The following SYNJ1 variants were observed in gnomAD, a reference collection of about 807,000 sequenced individuals.
The protein encoded by SYNJ1 is synaptojanin 1.
In SYNJ1, 78 loss-of-function variants were observed where a neutral mutation model predicts 168.2. The ratio of observed to expected loss-of-function variants is 0.46; its 90% CI spans 0.39 to 0.56. The LOEUF is 0.56. Ranked by LOEUF, SYNJ1 falls within the 20% of genes least tolerant of loss-of-function variation. SYNJ1 has a pLI of 0.00. For missense variants in SYNJ1, 1,303 were observed against 1,597.6 expected (o/e 0.82, Z 3.14); for synonymous variants, 539 against 548.6 (o/e 0.98, Z 0.24).
At chr21:32,703,520 G>A (rs1016799907) in intron 2 of SYNJ1, among the ~76,000 whole-genome samples, 1 of 152,118 alleles carries the variant, frequency 6.6e-6, no homozygotes, top group Non-Finnish European at 1.5e-5. Flanking sequence ...ACATTAGAGA[G>A]ACTTGTTATA....
At chr21:32,633,597 G>A (rs975081118) in intron 32 of SYNJ1, among the ~76,000 whole-genome samples, 1 of 152,066 alleles carries the variant, frequency 6.6e-6, no homozygotes, top group African/African-American at 2.4e-5. Context: ...AAAGGAATTT[G>A]GATAGTTGTT....
At position 32,657,723 on chromosome 21, in the gene SYNJ1, A is replaced by G. The variant is rs956806458; in HGVS notation, c.2454T>C (p.Asp818=). ...AGAAGCCCATTTCCCAACCTGATCT[A>G]TCAAAAGGCCATTTCCTCCTTCTCC... ...VLWRRRKWPF[D]RSAEDLDLLN... is the part of the protein sequence containing the mutation. Residue 818 remains aspartate, a synonymous_variant, in exon 19 of 33, where the codon GAT becomes GAC. Transcript: ENST00000674351. 1 of 1,600,666 alleles carries G rather than the reference A, an allele frequency of 6.2e-7. No homozygotes were observed. The highest frequency in any genetic ancestry group is 2.2e-5 in the East Asian group (1 of 44,590).
intron 2 of SYNJ1, among the ~76,000 whole-genome samples, chr21:32,725,534 T>C (rs1569143092): frequency 6.6e-6 from 1 of 152,226 alleles, no homozygotes; most frequent in Non-Finnish European, 1.5e-5. Context: ...TTATATACTG[T>C]TCTTTGCTTA....
In SYNJ1 at chr21:32,668,009, A is replaced by ATGTG. The variant is rs3056370; in HGVS notation, c.1812-1440_1812-1437dup. Among the ~76,000 whole-genome samples, 1,097 of 143,984 alleles carry ATGTG rather than the reference A, an allele frequency of 7.6e-3. 4 individuals carry two copies. The highest frequency in any genetic ancestry group is 0.014 in the African/African-American group (552 of 38,858). The allele number at this position is 143,984 out of a possible 152,430, so 94.5% of individuals were successfully genotyped here. A position where few individuals can be genotyped will look rare whatever the true frequency, so the allele number is the denominator to read the frequency against. The stretch of plus-strand genomic sequence containing the variant: ...ACTACTTTATTAAAGAAGAATATAT[A>ATGTG]TGTGTGTGTGTGTGTGTGTGTGTGT... On this transcript the variant is annotated intron_variant, in intron 15 of 32. Transcript: ENST00000674351.
chr21:32,665,571 AG>A (rs1392659536), intron 17 of SYNJ1, among the ~76,000 whole-genome samples: 1 of 152,218 alleles, frequency 6.6e-6, no homozygotes, highest in Non-Finnish European at 1.5e-5. Flanking sequence ...CTAACCTGGA[AG>A]CCCCCACTTC....
rs1002200315 is a variant in SYNJ1 at position 32,710,549 on chromosome 21, G to A, written c.125-8502C>T. On this transcript the variant is annotated intron_variant, in intron 2 of 32. Coordinates refer to ENST00000674351, the MANE Select transcript of SYNJ1 (RefSeq NM_203446.3). ...TGAACTTTTTTTTTTTTCCCAAACA[G>A]GATCTCTCACTCTCACCCAAGCCTG... Among the ~76,000 whole-genome samples the A allele has an allele frequency of 2.0e-5, 3 of 151,562 alleles. 1 individual carries two copies. Among genetic ancestry groups the A allele is most frequent in the South Asian group, 4.2e-4 (2 of 4,814 alleles).
At chr21:32,642,020 C>G (rs1038589432) in intron 28 of SYNJ1, 54 bp from the exon 29 acceptor site, 16 of 1,612,806 alleles carry the variant, frequency 9.9e-6, no homozygotes, top group Admixed American at 3.3e-5. Flanking sequence ...AAACAAGAAA[C>G]CATGTACTTA....
chr21:32,722,053 C>T (rs1325280444), intron 2 of SYNJ1, among the ~76,000 whole-genome samples: 42 of 151,810 alleles, frequency 2.8e-4, no homozygotes, highest in East Asian at 1.9e-4. Context: ...GGTATGATGG[C>T]GCATGCCTGT....
At chr21:32,670,151 A>C (rs976899270) in intron 15 of SYNJ1, 137 bp downstream of exon 15, 1 of 618,666 alleles carries the variant, frequency 1.6e-6, no homozygotes, top group African/African-American at 1.9e-5. Flanking sequence ...AAAGTATGAG[A>C]AATGCTCTTT....
chr21:32,719,117 T>G (rs2043125268), intron 2 of SYNJ1, among the ~76,000 whole-genome samples: 1 of 152,232 alleles, frequency 6.6e-6, no homozygotes, highest in Admixed American at 6.5e-5. Flanking sequence ...TGAAATAAAG[T>G]GTGTCAAATG....
At position 32,670,308 on chromosome 21, in the gene SYNJ1, A is replaced by G; in HGVS notation, c.1791T>C (p.Ala597=). The change falls in exon 15 of 33, where the codon GCT becomes GCC. Residue 597 remains alanine, a synonymous_variant. Transcript: ENST00000674351. ...CTTACCTTGCACTCACAATGTTTCCAGCATTCAATTCTACCATTTCTTCAA... is the reference window on the plus strand; with the variant it reads ...CTTACCTTGCACTCACAATGTTTCCGGCATTCAATTCTACCATTTCTTCAA... ...IGFEEMVELN[A]GNIVSASTTN... is the part of the protein sequence containing the mutation. 1 of 1,613,672 alleles carries G rather than the reference A, an allele frequency of 6.2e-7. No individual in the cohort carries two copies. The highest frequency in any genetic ancestry group is 2.2e-5 in the East Asian group (1 of 44,832).
chr21:32,695,835 TGTTTTG>T (rs1569105907), intron 4 of SYNJ1, among the ~76,000 whole-genome samples: 2 of 149,928 alleles, frequency 1.3e-5, no homozygotes, highest in African/African-American at 4.9e-5. Flanking sequence ...GCTAATTTTT[TGTTTTG>T]TTTTGTTTTT....
Position 32,653,336 on chromosome 21 carries a change from A to G in SYNJ1, c.2826T>C (p.Phe942=), listed in dbSNP as rs1282435193. Residue 942 remains phenylalanine, a synonymous_variant, in exon 22 of 33, where the codon TTT becomes TTC. Transcript: ENST00000674351. Reference sequence around the variant, plus strand: ...CATTCAAGGCAGAGCTTCCCTCCAAAAATGTAACCCACATTTTATCTTCTA... The same window carrying G: ...CATTCAAGGCAGAGCTTCCCTCCAAGAATGTAACCCACATTTTATCTTCTA... The part of the protein sequence containing the change: ...RFVEDKMWVT[F]LEGSSALNVL... 1 of 1,613,840 alleles carries G rather than the reference A, an allele frequency of 6.2e-7. No individual in the cohort carries two copies. The highest frequency in any genetic ancestry group is 8.5e-7 in the Non-Finnish European group (1 of 1,179,784).
chr21:32,654,371 T>C (rs1012486318), intron 21 of SYNJ1, among the ~76,000 whole-genome samples: 1 of 152,192 alleles, frequency 6.6e-6, no homozygotes, highest in African/African-American at 2.4e-5. Flanking sequence ...ACTGACTCAA[T>C]TTCTTTGGCA....
intron 15 of SYNJ1, among the ~76,000 whole-genome samples, chr21:32,668,716 G>C (rs948391747): frequency 3.3e-5 from 5 of 152,198 alleles, no homozygotes; most frequent in African/African-American, 1.2e-4. Context: ...ATAAAACACT[G>C]AAGTTTTAAG....
chr21:32,687,167 G>A, intron 7 of SYNJ1, 93 bp from the exon 8 acceptor site: 2 of 629,024 alleles, frequency 3.2e-6, no homozygotes, highest in East Asian at 7.0e-5. Context: ...AACTTACATG[G>A]CAGTATTTTA....
At chr21:32,691,132 T>C (rs1431775768) in intron 6 of SYNJ1, among the ~76,000 whole-genome samples, 2 of 152,200 alleles carry the variant, frequency 1.3e-5, no homozygotes, top group Non-Finnish European at 2.9e-5. Flanking sequence ...TTCTGAATTG[T>C]AACCCCCAAG....
rs1392369365 is a variant in SYNJ1 at position 32,630,891 on chromosome 21, A to G, written c.*914T>C. The G allele has an allele frequency of 9.3e-7, 1 of 1,075,202 alleles. No individual in the cohort carries two copies. Among genetic ancestry groups the G allele is most frequent in the Non-Finnish European group, 1.3e-6 (1 of 753,454 alleles). The allele number at this position is 1,075,202 out of a possible 1,614,324, so 66.6% of individuals were successfully genotyped here. Reference sequence around the variant, plus strand: ...AATAGTGGTGTTTTGTGAAGATATCAGTGCACTTACAATGACTTATTGCAC... The same window carrying G: ...AATAGTGGTGTTTTGTGAAGATATCGGTGCACTTACAATGACTTATTGCAC... On this transcript the variant is annotated 3_prime_UTR_variant, in exon 33 of 33. Transcript: ENST00000674351.
intron 23 of SYNJ1, 106 bp from the exon 24 acceptor site, chr21:32,646,708 A>C: frequency 1.3e-6 from 1 of 764,882 alleles, no homozygotes; most frequent in Non-Finnish European, 2.2e-6. Flanking sequence ...AAATATGAAC[A>C]TTATGTCATT....
Sources: allele counts gnomAD v4.1 joint callset (sites outside exome capture counted in the v4.1 genomes callset), GRCh38; gene constraint gnomAD v4.1.1; transcripts MANE v1.5; gene names NCBI Gene and HGNC (gene_info 2026-07-23, HGNC 2026-07-21).